AFG2A: variants seen among roughly 807,000 people sequenced by gnomAD.
AFG2A encodes AAA ATPase AFG2A, also known as ATPase family gene 2 protein homolog A.
the AFG2A span, among the ~76,000 whole-genome samples, chr4:123,241,829 C>T: frequency 2.6e-5 from 4 of 152,130 alleles, no homozygotes; most frequent in Non-Finnish European, 5.9e-5. Context: ...TTTAGAAAAG[C>T]GGAAGTCAAA....
At chr4:123,261,373 A>T in the AFG2A span, among the ~76,000 whole-genome samples, 1 of 152,162 alleles carries the variant, frequency 6.6e-6, no homozygotes, top group Non-Finnish European at 1.5e-5. Context: ...AATTCAACCA[A>T]CTGGGAATAG....
At chr4:123,277,863 G>A in the AFG2A span, among the ~76,000 whole-genome samples, 3 of 152,144 alleles carry the variant, frequency 2.0e-5, no homozygotes, top group African/African-American at 7.2e-5. Flanking sequence ...TGTGCTACTG[G>A]ATTCGGTTTG....
the AFG2A span, among the ~76,000 whole-genome samples, chr4:123,148,676 A>C: frequency 3.0e-3 from 464 of 152,270 alleles, 6 homozygotes; most frequent in African/African-American, 0.011. Flanking sequence ...GGAGGCCAAC[A>C]ATGTTTCTTT....
the AFG2A span, among the ~76,000 whole-genome samples, chr4:122,939,678 T>C: frequency 1.3e-5 from 2 of 152,040 alleles, no homozygotes; most frequent in African/African-American, 4.8e-5. Flanking sequence ...ATGTGCACAA[T>C]GTGCAGGTTA....
At chr4:122,960,319 C>T in the AFG2A span, among the ~76,000 whole-genome samples, 1 of 152,106 alleles carries the variant, frequency 6.6e-6, no homozygotes, top group African/African-American at 2.4e-5. Context: ...TTTGGGAAAA[C>T]ATGAAATATT....
chr4:123,071,675 A>T, the AFG2A span, among the ~76,000 whole-genome samples: 162 of 152,330 alleles, frequency 1.1e-3, no homozygotes, highest in African/African-American at 3.8e-3. Context: ...CATAGAGCAC[A>T]TGCAGCTTAT....
chr4:123,198,119 A>C, the AFG2A span, among the ~76,000 whole-genome samples: 1 of 152,050 alleles, frequency 6.6e-6, no homozygotes, highest in Non-Finnish European at 1.5e-5. Context: ...AATTACAAAA[A>C]TTAGCTGGGC....
the AFG2A span, among the ~76,000 whole-genome samples, chr4:123,047,343 G>T: frequency 1.3e-5 from 2 of 151,944 alleles, no homozygotes; most frequent in African/African-American, 4.8e-5. Flanking sequence ...TTTCCATGAT[G>T]ATTATGATGT....
chr4:123,132,780 CTTTTTT>C, the AFG2A span, among the ~76,000 whole-genome samples: 1 of 129,216 alleles, frequency 7.7e-6, no homozygotes. Context: ...GATTTCAATC[CTTTTTT>C]TTTTTTTTTT....
the AFG2A span, among the ~76,000 whole-genome samples, chr4:123,157,594 G>T: frequency 6.6e-6 from 1 of 152,122 alleles, no homozygotes; most frequent in African/African-American, 2.4e-5. Flanking sequence ...GATTTACATA[G>T]CAAAGTATTA....
the AFG2A span, among the ~76,000 whole-genome samples, chr4:122,962,917 C>T: frequency 2.0e-5 from 3 of 152,182 alleles, no homozygotes; most frequent in East Asian, 3.8e-4. Flanking sequence ...TTCTTTTTCA[C>T]CTCTCATCTA....
chr4:123,090,408 C>T, the AFG2A span, among the ~76,000 whole-genome samples: 1 of 152,086 alleles, frequency 6.6e-6, no homozygotes, highest in Non-Finnish European at 1.5e-5. Context: ...GATTTGAATA[C>T]AGTTTGTTTT....
At chr4:123,076,823 A>C in the AFG2A span, among the ~76,000 whole-genome samples, 2 of 152,036 alleles carry the variant, frequency 1.3e-5, no homozygotes, top group African/African-American at 4.8e-5. Flanking sequence ...ACTATCTACT[A>C]TCTACTGAGC....
the AFG2A span, among the ~76,000 whole-genome samples, chr4:123,125,128 A>T: frequency 6.6e-6 from 1 of 152,162 alleles, no homozygotes; most frequent in Non-Finnish European, 1.5e-5. Context: ...GAAATTTTTT[A>T]TGAAATGTAC....
the AFG2A span, chr4:123,314,121 T>G: frequency 7.1e-7 from 1 of 1,412,860 alleles, no homozygotes; most frequent in Admixed American, 2.9e-5. Context: ...TTGTTTCTTT[T>G]TAAAATTTTT....
At chr4:122,952,884 C>T in the AFG2A span, among the ~76,000 whole-genome samples, 1 of 152,098 alleles carries the variant, frequency 6.6e-6, no homozygotes, top group South Asian at 2.1e-4. Context: ...GCCTCTCCCG[C>T]CCTCTTTAGA....
At chr4:123,282,643 G>A in the AFG2A span, among the ~76,000 whole-genome samples, 17 of 152,024 alleles carry the variant, frequency 1.1e-4, no homozygotes, top group Non-Finnish European at 2.9e-5. Flanking sequence ...GATCAGCAAG[G>A]TCACACAGCC....
the AFG2A span, among the ~76,000 whole-genome samples, chr4:123,104,229 A>G: frequency 1.3e-5 from 2 of 152,184 alleles, no homozygotes; most frequent in African/African-American, 4.8e-5. Flanking sequence ...TATTATTATT[A>G]TGTTATCTTG....
At chr4:122,938,059 A>C in the AFG2A span, 1 of 1,423,932 alleles carries the variant, frequency 7.0e-7, no homozygotes, top group Non-Finnish European at 9.3e-7. Flanking sequence ...AGTTAAAAAA[A>C]TTAAAACTAA....
Sources: gnomAD v4.1 joint callset for allele counts (sites outside exome capture counted in the v4.1 genomes callset) on GRCh38, gnomAD v4.1.1 for gene constraint, MANE v1.5 for transcripts, NCBI Gene and HGNC (gene_info 2026-07-23, HGNC 2026-07-21) for gene names.